The following LOC400499 variants were observed in gnomAD, a reference collection of about 807,000 sequenced individuals.
the LOC400499 span, among the ~76,000 whole-genome samples, chr16:11,460,780 G>A: frequency 6.6e-6 from 1 of 152,254 alleles, no homozygotes; most frequent in African/African-American, 2.4e-5. Flanking sequence ...AGAGATGGGT[G>A]AATGTCTCCT....
chr16:11,432,570 G>C, the LOC400499 span, among the ~76,000 whole-genome samples: 2 of 152,180 alleles, frequency 1.3e-5, no homozygotes, highest in Non-Finnish European at 2.9e-5. Context: ...TCCTACTCCA[G>C]GGTCATAATG....
the LOC400499 span, chr16:11,417,941 T>C: frequency 2.5e-6 from 1 of 397,692 alleles, no homozygotes; most frequent in Non-Finnish European, 4.4e-6. Flanking sequence ...ATCAGTGCCA[T>C]CCACGTCGCT....
chr16:11,401,801 G>A, the LOC400499 span, among the ~76,000 whole-genome samples: 1 of 152,218 alleles, frequency 6.6e-6, no homozygotes, highest in African/African-American at 2.4e-5. Flanking sequence ...CCTATCACGG[G>A]GTAAGCATTC....
At chr16:11,469,218 T>G in the LOC400499 span, 1 of 399,558 alleles carries the variant, frequency 2.5e-6, no homozygotes, top group East Asian at 3.6e-5. Context: ...CAGCTCCAAG[T>G]GACCCGTGTG....
the LOC400499 span, chr16:11,462,418 C>A: frequency 7.7e-7 from 1 of 1,304,586 alleles, no homozygotes; most frequent in Non-Finnish European, 9.7e-7. Flanking sequence ...ACCTTCTACA[C>A]CGATCCTTAC....
At chr16:11,432,320 T>C in the LOC400499 span, among the ~76,000 whole-genome samples, 1 of 152,222 alleles carries the variant, frequency 6.6e-6, no homozygotes, top group South Asian at 2.1e-4. Flanking sequence ...ATCTCTATGC[T>C]TTGGAGTAGC....
the LOC400499 span, among the ~76,000 whole-genome samples, chr16:11,497,572 A>G: frequency 6.6e-6 from 1 of 152,202 alleles, no homozygotes; most frequent in African/African-American, 2.4e-5. Context: ...AAGCCTGGTC[A>G]CAGCCTGCAG....
At chr16:11,403,456 T>TGA in the LOC400499 span, among the ~76,000 whole-genome samples, 133 of 149,582 alleles carry the variant, frequency 8.9e-4, no homozygotes, top group African/African-American at 2.7e-3. Context: ...TACACACACA[T>TGA]GCACACATAC....
chr16:11,397,440 A>C, the LOC400499 span, among the ~76,000 whole-genome samples: 1 of 151,748 alleles, frequency 6.6e-6, no homozygotes, highest in African/African-American at 2.4e-5. Flanking sequence ...TGCCCAGCTC[A>C]TTTTTTCTAT....
chr16:11,399,141 C>T, the LOC400499 span: 2 of 884,898 alleles, frequency 2.3e-6, no homozygotes, highest in Non-Finnish European at 2.7e-6. Context: ...CTGGAGGAGA[C>T]CAGACCTGAT....
the LOC400499 span, among the ~76,000 whole-genome samples, chr16:11,445,484 G>A: frequency 3.3e-5 from 5 of 152,272 alleles, no homozygotes; most frequent in Middle Eastern, 0.014. Context: ...TCTGTGTGAG[G>A]TGGTCTGGGG....
chr16:11,420,241 A>C, the LOC400499 span, among the ~76,000 whole-genome samples: 1 of 151,896 alleles, frequency 6.6e-6, no homozygotes, highest in Non-Finnish European at 1.5e-5. Flanking sequence ...TGGCACATAT[A>C]CACCATGGAA....
At chr16:11,449,072 G>A in the LOC400499 span, 4 of 1,483,146 alleles carry the variant, frequency 2.7e-6, no homozygotes, top group Admixed American at 7.9e-5. Context: ...TCCAGCTGTG[G>A]AAGAGGCTCT....
At chr16:11,391,961 G>T in the LOC400499 span, 1 of 541,210 alleles carries the variant, frequency 1.8e-6, no homozygotes, top group Non-Finnish European at 2.8e-6. Context: ...CAGGTCAGAG[G>T]GGGACCTCTC....
chr16:11,463,491 T>TGC, the LOC400499 span, among the ~76,000 whole-genome samples: 1 of 150,718 alleles, frequency 6.6e-6, no homozygotes, highest in Admixed American at 6.6e-5. Flanking sequence ...GACATGTGGG[T>TGC]GCATACAGAT....
At chr16:11,445,224 C>T in the LOC400499 span, among the ~76,000 whole-genome samples, 13 of 152,190 alleles carry the variant, frequency 8.5e-5, no homozygotes, top group African/African-American at 2.9e-4. Flanking sequence ...AGTTTGAGAC[C>T]AGCCTGGCCA....
the LOC400499 span, among the ~76,000 whole-genome samples, chr16:11,486,276 T>C: frequency 8.1e-6 from 1 of 123,296 alleles, no homozygotes; most frequent in African/African-American, 3.7e-5. Context: ...GATGGAGGGA[T>C]GGATGGATGG....
chr16:11,418,914 C>T, the LOC400499 span, among the ~76,000 whole-genome samples: 1 of 152,186 alleles, frequency 6.6e-6, no homozygotes, highest in Non-Finnish European at 1.5e-5. Flanking sequence ...GCCTGGAATC[C>T]CGGCACTTTG....
chr16:11,407,486 G>A, the LOC400499 span: 3 of 395,658 alleles, frequency 7.6e-6, no homozygotes, highest in South Asian at 4.3e-4. Flanking sequence ...CCCTGGGCTG[G>A]ATGAAGTTTG....
Sources: gnomAD v4.1 joint callset for allele counts (sites outside exome capture counted in the v4.1 genomes callset) on GRCh38, gnomAD v4.1.1 for gene constraint, MANE v1.5 for transcripts.